ZFHX3: variants seen among roughly 807,000 people sequenced by gnomAD.
The protein encoded by ZFHX3 is zinc finger homeobox protein 3.
A neutral mutation model predicts 279.1 loss-of-function variants in ZFHX3; 42 were observed. The observed-to-expected ratio is 0.15, with a 90% confidence interval of 0.12 to 0.19. The LOEUF is 0.19. ZFHX3 is among the 10% of genes least tolerant of loss of function. ZFHX3 has a pLI of 1.00. For synonymous variants in ZFHX3, 2,293 were observed against 1,957.8 expected, an observed-to-expected ratio of 1.17 and a Z score of -4.52; for missense variants, 4,981 against 4,754.0, an observed-to-expected ratio of 1.05 and a Z score of -1.40.
intron 2 of ZFHX3, among the ~76,000 whole-genome samples, chr16:72,951,844 C>T (rs1216072684): frequency 1.3e-5 from 2 of 152,160 alleles, no homozygotes; most frequent in African/African-American, 2.4e-5. Flanking sequence ...TAATAAATAC[C>T]TGAAATATGG....
intron 4 of ZFHX3, among the ~76,000 whole-genome samples, chr16:72,885,319 G>A (rs548015729): frequency 9.2e-5 from 14 of 152,360 alleles, no homozygotes; most frequent in Non-Finnish European, 1.6e-4. Context: ...TTAGATGTAC[G>A]TGCCCAACCA....
intron 3 of ZFHX3, among the ~76,000 whole-genome samples, chr16:73,398,976 T>C (rs2052576): frequency 0.086 from 13,092 of 151,874 alleles, 1,050 homozygotes; most frequent in South Asian, 0.22. Context: ...GCAATTCTCC[T>C]GTCTCAGCCT....
intron 6 of ZFHX3, among the ~76,000 whole-genome samples, chr16:73,139,123 C>T (rs1001801469): frequency 1.3e-5 from 2 of 152,148 alleles, no homozygotes; most frequent in African/African-American, 4.8e-5. Flanking sequence ...TCACTAAGCA[C>T]AAAGATGTCC....
At chr16:73,203,416 C>T (rs2011678358) in intron 5 of ZFHX3, among the ~76,000 whole-genome samples, 1 of 152,188 alleles carries the variant, frequency 6.6e-6, no homozygotes, top group Admixed American at 6.5e-5. Flanking sequence ...ATTTGACTTG[C>T]ATTATGGATA....
intron 4 of ZFHX3, among the ~76,000 whole-genome samples, chr16:72,864,990 T>G (rs2037978994): frequency 6.6e-6 from 1 of 152,224 alleles, no homozygotes; most frequent in African/African-American, 2.4e-5. Context: ...AAATGGGTGT[T>G]AGGTGAGGCC....
intron 3 of ZFHX3, among the ~76,000 whole-genome samples, chr16:73,423,614 C>G (rs1206031466): frequency 6.6e-6 from 1 of 152,168 alleles, no homozygotes; most frequent in Non-Finnish European, 1.5e-5. Flanking sequence ...GTAATCCCAG[C>G]ACTTTGGGAG....
intron 5 of ZFHX3, among the ~76,000 whole-genome samples, chr16:73,160,211 G>A (rs757558149): frequency 6.6e-6 from 1 of 152,158 alleles, no homozygotes; most frequent in Non-Finnish European, 1.5e-5. Context: ...AGAAAATGTG[G>A]ATAAATTTCT....
At chr16:73,461,187 C>T (rs1232775809) in intron 2 of ZFHX3, among the ~76,000 whole-genome samples, 1 of 152,124 alleles carries the variant, frequency 6.6e-6, no homozygotes, top group Admixed American at 6.5e-5. Context: ...TGCTCATTTG[C>T]CATTTGTGTA....
At chr16:73,131,756 C>A (rs1307937710) in intron 6 of ZFHX3, among the ~76,000 whole-genome samples, 1 of 152,172 alleles carries the variant, frequency 6.6e-6, no homozygotes, top group Non-Finnish European at 1.5e-5. Context: ...GATCCGAGTC[C>A]TAAAACTAGG....
chr16:73,200,581 C>A (rs1472119346), intron 5 of ZFHX3, among the ~76,000 whole-genome samples: 1 of 152,118 alleles, frequency 6.6e-6, no homozygotes, highest in Non-Finnish European at 1.5e-5. Flanking sequence ...TCTGAAAAAA[C>A]CGATAAATGT....
intron 3 of ZFHX3, among the ~76,000 whole-genome samples, chr16:72,940,615 C>T (rs1960366970): frequency 6.6e-6 from 1 of 152,140 alleles, no homozygotes; most frequent in Non-Finnish European, 1.5e-5. Flanking sequence ...CTGCCAGCGA[C>T]AGAAGACAGG....
chr16:73,173,917 T>C (rs1484380863), intron 5 of ZFHX3, among the ~76,000 whole-genome samples: 1 of 152,076 alleles, frequency 6.6e-6, no homozygotes, highest in East Asian at 1.9e-4. Flanking sequence ...TAGGGAATGG[T>C]GTTGGGGTGG....
Position 72,793,769 on chromosome 16 carries a change from G to A in ZFHX3, c.8913C>T (p.Pro2971=). Residue 2971 remains proline (P), a synonymous_variant, in exon 9 of 10, where the codon CCC becomes CCT. Transcript: ENST00000268489. This position sits in a 1 kb window ranked among gnomAD's most constrained non-coding sequence, Gnocchi z 4.3. ...CCAGGACCTCACATTCTAGCATAGT[G>A]GGTGTCCTGTAGTCATTAAAGCATG... is the stretch of plus-strand genomic sequence containing the variant. The part of the protein sequence containing the change: ...LKSCFNDYRT[P]TMLECEVLGN... 6.2e-7 allele frequency: 1 copy of A among 1,614,138 alleles called. No homozygotes were observed. Among genetic ancestry groups the A allele is most frequent in the South Asian group, 1.1e-5 (1 of 91,076 alleles).
At chr16:73,186,018 G>T (rs925826127) in intron 5 of ZFHX3, among the ~76,000 whole-genome samples, 3 of 152,060 alleles carry the variant, frequency 2.0e-5, no homozygotes, top group Admixed American at 2.0e-4. Flanking sequence ...CTGCATATGC[G>T]AGGGATCTAG....
chr16:73,030,847 C>T (rs1354113063), intron 1 of ZFHX3, among the ~76,000 whole-genome samples: 3 of 152,218 alleles, frequency 2.0e-5, no homozygotes, highest in South Asian at 2.1e-4. Flanking sequence ...AACCTTGTAC[C>T]CTGGGGAGGG....
At chr16:73,442,686 G>A (rs1196564107) in intron 3 of ZFHX3, among the ~76,000 whole-genome samples, 1 of 152,096 alleles carries the variant, frequency 6.6e-6, no homozygotes, top group African/African-American at 2.4e-5. Flanking sequence ...CCACCTCAGG[G>A]CCATGCCCCT....
chr16:72,875,587 TTGA>T (rs2038288023), intron 4 of ZFHX3, among the ~76,000 whole-genome samples: 1 of 152,256 alleles, frequency 6.6e-6, no homozygotes, highest in South Asian at 2.1e-4. Context: ...CTGCTTCTCC[TTGA>T]TGAACAAACC....
intron 1 of ZFHX3, among the ~76,000 whole-genome samples, chr16:73,814,220 C>T (rs1164036285): frequency 1.3e-5 from 2 of 152,120 alleles, no homozygotes; most frequent in Non-Finnish European, 2.9e-5. Flanking sequence ...CTTCCTCTCC[C>T]ACCCCCACCA....
At chr16:72,952,348 C>G (rs76869380) in intron 2 of ZFHX3, among the ~76,000 whole-genome samples, 75 of 152,362 alleles carry the variant, frequency 4.9e-4, no homozygotes, top group African/African-American at 1.7e-3. Context: ...CCTCCCATGT[C>G]TTCTCAGTAG....
Sources: allele counts gnomAD v4.1 joint callset (sites outside exome capture counted in the v4.1 genomes callset), GRCh38; gene constraint gnomAD v4.1.1; non-coding constraint Gnocchi (gnomAD v3.1); transcripts MANE v1.5; gene names NCBI Gene and HGNC (gene_info 2026-07-23, HGNC 2026-07-21).